Variants in LDLRAD3 observed in about 807,000 individuals in gnomAD.
The protein encoded by LDLRAD3 is low density lipoprotein receptor class A domain containing 3, also known as low-density lipoprotein receptor class A domain-containing protein 3.
Under a neutral mutation model 29.4 loss-of-function variants are expected in LDLRAD3, and 20 were observed. That is an observed-to-expected ratio of 0.68 (90% confidence interval 0.48 to 0.99). The LOEUF is 0.99. LDLRAD3 is among the 50% of genes least tolerant of loss of function. The pLI, the probability that LDLRAD3 is intolerant of heterozygous loss-of-function variation, is 0.00. For missense variants in LDLRAD3, 420 were observed against 454.3 expected, an observed-to-expected ratio of 0.92 and a Z score of 0.69; for synonymous variants, 157 against 192.7, an observed-to-expected ratio of 0.81 and a Z score of 1.53.
Position 36,231,902 on chromosome 11 carries a change from G to C in LDLRAD3, c.*2505G>C, listed in dbSNP as rs1855581072. 6.6e-6 allele frequency: 1 copy of C among 151,994 alleles called. No individual in the cohort carries two copies. Among genetic ancestry groups the C allele is most frequent in the Non-Finnish European group, 1.5e-5 (1 of 67,982 alleles). 9.4% of individuals were successfully genotyped at this position (151,994 alleles called of 1,614,324 possible). A position where few individuals can be genotyped will look rare whatever the true frequency, so the allele number is the denominator to read the frequency against. On this transcript the variant is annotated 3_prime_UTR_variant, in exon 6 of 6. Coordinates refer to ENST00000315571, the MANE Select transcript of LDLRAD3 (RefSeq NM_174902.4). ...TCTTTTTTTCTCAAATGAGATCCGT[G>C]TTTTATTTTAGCATTAAATTAGTTA...
At chr11:36,126,879 C>G (rs1445253242) in intron 4 of LDLRAD3, among the ~76,000 whole-genome samples, 4 of 152,196 alleles carry the variant, frequency 2.6e-5, no homozygotes, top group Non-Finnish European at 5.9e-5. Context: ...TGCATAATCA[C>G]CCAGAGTTAA....
In LDLRAD3 at chr11:36,188,371, CAAAAAAAAAAAAA is replaced by C. The variant is rs57049829; in HGVS notation, c.455-38698_455-38686del. On this transcript the variant is annotated intron_variant, in intron 4 of 5. Coordinates refer to ENST00000315571, the MANE Select transcript of LDLRAD3 (RefSeq NM_174902.4). ...ACAAAGAAAAGGAGAGGAAAACCAG[CAAAAAAAAAAAAA>C]AAAAAAAAAAAAAAATTGTGGAAGC... Among the ~76,000 whole-genome samples the C allele has an allele frequency of 1.3e-3, 82 of 62,042 alleles. No individual in the cohort carries two copies. In the South Asian group the frequency reaches 0.02, roughly 15 times the overall value. The allele number at this position is 62,042 out of a possible 152,430, so 40.7% of individuals were successfully genotyped here.
intron 3 of LDLRAD3, among the ~76,000 whole-genome samples, chr11:36,095,577 A>C (rs1201685586): frequency 6.6e-6 from 1 of 152,208 alleles, no homozygotes; most frequent in African/African-American, 2.4e-5. Context: ...CATTAAAACC[A>C]ATCTGTGACT....
intron 4 of LDLRAD3, among the ~76,000 whole-genome samples, chr11:36,119,906 A>G (rs1184088512): frequency 6.6e-6 from 1 of 152,170 alleles, no homozygotes; most frequent in Non-Finnish European, 1.5e-5. Flanking sequence ...ACCATTGCCT[A>G]ATTCAAAGTG....
At chr11:36,007,150 T>G (rs947079444) in intron 1 of LDLRAD3, among the ~76,000 whole-genome samples, 3 of 152,206 alleles carry the variant, frequency 2.0e-5, no homozygotes, top group Admixed American at 1.3e-4. Context: ...TGGATTACTC[T>G]GAGTTGCTCA....
intron 4 of LDLRAD3, among the ~76,000 whole-genome samples, chr11:36,206,317 T>G (rs546351129): frequency 1.3e-5 from 2 of 152,334 alleles, no homozygotes; most frequent in East Asian, 3.9e-4. Flanking sequence ...TGTGCAAGGC[T>G]GAGCTAAGTG....
intron 2 of LDLRAD3, among the ~76,000 whole-genome samples, chr11:36,038,512 G>A (rs1852334122): frequency 6.6e-6 from 1 of 152,314 alleles, no homozygotes; most frequent in African/African-American, 2.4e-5. Context: ...TTCCTAAATT[G>A]TATGCCCAGC....
intron 4 of LDLRAD3, among the ~76,000 whole-genome samples, chr11:36,115,834 C>A (rs1040023206): frequency 6.6e-6 from 1 of 152,146 alleles, no homozygotes; most frequent in Non-Finnish European, 1.5e-5. Flanking sequence ...TGGAGGAGAA[C>A]ATTAGATGTG....
At chr11:36,099,649 A>T (rs1254168838) in intron 4 of LDLRAD3, among the ~76,000 whole-genome samples, 1 of 152,224 alleles carries the variant, frequency 6.6e-6, no homozygotes, top group Non-Finnish European at 1.5e-5. Flanking sequence ...AGTTCCATGT[A>T]GTTAGATGTA....
chr11:36,033,209 A>G (rs1852260619), intron 1 of LDLRAD3, among the ~76,000 whole-genome samples: 1 of 152,134 alleles, frequency 6.6e-6, no homozygotes, highest in South Asian at 2.1e-4. Flanking sequence ...TCACTTCCCT[A>G]AAGCACACGG....
chr11:36,073,364 T>A (rs558574253), intron 2 of LDLRAD3, among the ~76,000 whole-genome samples: 1 of 152,238 alleles, frequency 6.6e-6, no homozygotes, highest in East Asian at 1.9e-4. Context: ...TTCAATGGAG[T>A]AGAGTCACCC....
chr11:36,127,570 T>C (rs1054313806), intron 4 of LDLRAD3, among the ~76,000 whole-genome samples: 1 of 152,222 alleles, frequency 6.6e-6, no homozygotes, highest in Admixed American at 6.5e-5. Context: ...TGGGTTAGTC[T>C]TATTGTTGTG....
At chr11:36,110,903 CCA>C (rs1490159979) in intron 4 of LDLRAD3, among the ~76,000 whole-genome samples, 12 of 152,108 alleles carry the variant, frequency 7.9e-5, no homozygotes, top group Non-Finnish European at 1.5e-5. Flanking sequence ...AAATCGCTGC[CCA>C]GTCTTTACAA....
intron 4 of LDLRAD3, among the ~76,000 whole-genome samples, chr11:36,125,561 G>A (rs1002485902): frequency 1.3e-4 from 20 of 152,180 alleles, no homozygotes; most frequent in African/African-American, 4.6e-4. Flanking sequence ...AATCGCAGAA[G>A]GGTAAACAGG....
intron 4 of LDLRAD3, among the ~76,000 whole-genome samples, chr11:36,107,722 C>T (rs1220977351): frequency 2.0e-5 from 3 of 152,096 alleles, no homozygotes; most frequent in East Asian, 3.9e-4. Context: ...ACCATATAAC[C>T]TAGGTGTGTA....
chr11:36,165,480 C>A (rs1476181048), intron 4 of LDLRAD3, among the ~76,000 whole-genome samples: 2 of 152,024 alleles, frequency 1.3e-5, no homozygotes, highest in South Asian at 4.2e-4. Flanking sequence ...TCTGTTTACA[C>A]CCCCACAAGC....
At chr11:36,116,824 A>G (rs373908247) in intron 4 of LDLRAD3, among the ~76,000 whole-genome samples, 4 of 149,028 alleles carry the variant, frequency 2.7e-5, no homozygotes, top group Non-Finnish European at 4.4e-5. Context: ...TGCCTGAGTA[A>G]CCTTTCTTTT....
chr11:36,084,285 A>C (rs1368453351), intron 3 of LDLRAD3, among the ~76,000 whole-genome samples: 1 of 152,164 alleles, frequency 6.6e-6, no homozygotes, highest in Admixed American at 6.5e-5. Context: ...AATGAGGATT[A>C]AGCCAGCATC....
At chr11:35,984,555 G>A (rs1211001893) in intron 1 of LDLRAD3, among the ~76,000 whole-genome samples, 1 of 152,182 alleles carries the variant, frequency 6.6e-6, no homozygotes. Context: ...TGAGCTCTTT[G>A]GTTCTGTGTC....
Sources: gnomAD v4.1 joint callset for allele counts (sites outside exome capture counted in the v4.1 genomes callset) on GRCh38, gnomAD v4.1.1 for gene constraint, MANE v1.5 for transcripts, NCBI Gene and HGNC (gene_info 2026-07-23, HGNC 2026-07-21) for gene names.